FARP1: variants seen among roughly 807,000 people sequenced by gnomAD.
FARP1 encodes the protein FERM, ARH/RhoGEF and pleckstrin domain protein 1.
In FARP1, 52 loss-of-function variants were observed where a neutral mutation model predicts 128.8. That is an observed-to-expected ratio of 0.40 (90% CI 0.32 to 0.51). The LOEUF is 0.51. Among genes scored for constraint, FARP1 ranks in the 20% least tolerant of loss-of-function variants. The pLI is 0.45. For missense variants in FARP1, 1,333 were observed against 1,367.9 expected, an observed-to-expected ratio of 0.97 and a Z score of 0.40; for synonymous variants, 580 against 551.8, an observed-to-expected ratio of 1.05 and a Z score of -0.72.
chr13:98,384,495 GAA>G, intron 6 of FARP1: 1 of 550,372 alleles, frequency 1.8e-6, no homozygotes, highest in Non-Finnish European at 3.3e-6. Flanking sequence ...GCCTGACCTT[GAA>G]GCTTCTTTCT....
At chr13:98,447,504 C>T (rs1030646407) in intron 26 of FARP1, 1 of 152,374 alleles carries the variant, frequency 6.6e-6, no homozygotes, top group Admixed American at 6.5e-5. Context: ...AGGCCTGGGA[C>T]AAGGCCAGGT....
rs894225312 is a variant in FARP1, at chr13:98,257,182, TAACTC to T, written c.171+43772_171+43776del. 5.9e-5 allele frequency among the ~76,000 whole-genome samples: 9 copies of T among 152,052 alleles called. No homozygotes were observed. The South Asian group carries it at 8.3e-4, about 14-fold the overall frequency. ...AAAAAACACAGCATTTTAATCAACT[TAACTC>T]AAGCATTTTTGGAGATGGACTCATC... On this transcript the variant is annotated intron_variant, in intron 2 of 26. Transcript: ENST00000319562.
chr13:98,266,754 A>G (rs1303827949), intron 2 of FARP1, among the ~76,000 whole-genome samples: 3 of 152,134 alleles, frequency 2.0e-5, no homozygotes, highest in East Asian at 1.9e-4. Context: ...GCTCGCACCT[A>G]TAATCCCAGC....
At chr13:98,419,896 A>C (rs1891530770) in intron 16 of FARP1, among the ~76,000 whole-genome samples, 1 of 152,028 alleles carries the variant, frequency 6.6e-6, no homozygotes, top group African/African-American at 2.4e-5. Context: ...AGAGAAGGGG[A>C]GAGCTGGGTG....
intron 2 of FARP1, among the ~76,000 whole-genome samples, chr13:98,278,292 ATG>A (rs61379815): frequency 0.081 from 12,083 of 149,420 alleles, 939 homozygotes; most frequent in African/African-American, 0.21. Context: ...GTGTGTATGT[ATG>A]TGTGTGTGTG....
At position 98,453,095 on chromosome 13, in the gene FARP1, G is replaced by C; in HGVS notation, c.*4778G>C. 1 of 1,557,974 alleles carries C rather than the reference G, an allele frequency of 6.4e-7. No individual in the cohort carries two copies. The highest frequency in any genetic ancestry group is 8.8e-7 in the Non-Finnish European group (1 of 1,135,786). On this transcript the variant is annotated 3_prime_UTR_variant, in exon 27 of 27. Transcript: ENST00000319562. ...CACCTCTTCGGTGGAGTCAGCGAAGGCTCTCGTTGACTTTTAAAAAAGGAG... is the reference window on the plus strand; with the variant it reads ...CACCTCTTCGGTGGAGTCAGCGAAGCCTCTCGTTGACTTTTAAAAAAGGAG...
chr13:98,403,663 T>C (rs1328197274), intron 13 of FARP1: 1 of 152,164 alleles, frequency 6.6e-6, no homozygotes, highest in Non-Finnish European at 1.5e-5. Context: ...ACAGATGCTG[T>C]CTGGTTTCTT....
intron 2 of FARP1, among the ~76,000 whole-genome samples, chr13:98,246,730 A>G (rs1888056): frequency 0.4 from 60,590 of 151,922 alleles, 12,611 homozygotes; most frequent in South Asian, 0.54. Flanking sequence ...TACACCACAA[A>G]CAGAATGACA....
chr13:98,210,743 G>T (rs1277721091), intron 1 of FARP1, among the ~76,000 whole-genome samples: 1 of 151,972 alleles, frequency 6.6e-6, no homozygotes, highest in East Asian at 1.9e-4. Flanking sequence ...TAGAGACGGG[G>T]TTTCACCATG....
At chr13:98,286,459 G>C (rs1031455538) in intron 2 of FARP1, among the ~76,000 whole-genome samples, 1 of 152,188 alleles carries the variant, frequency 6.6e-6, no homozygotes, top group African/African-American at 2.4e-5. Flanking sequence ...CTGTTCTCAT[G>C]GTAGTGAGTA....
chr13:98,379,002 TAC>T (rs1491570143), intron 6 of FARP1, among the ~76,000 whole-genome samples: 29 of 87,436 alleles, frequency 3.3e-4, no homozygotes, highest in African/African-American at 1.7e-3. Flanking sequence ...ATATAATATA[TAC>T]AATATATAAT....
At chr13:98,428,225 G>A (rs987214790) in intron 17 of FARP1, among the ~76,000 whole-genome samples, 2 of 152,118 alleles carry the variant, frequency 1.3e-5, no homozygotes, top group African/African-American at 4.8e-5. Flanking sequence ...TCCAGCCCAC[G>A]CTGTGAATGT....
intron 3 of FARP1, among the ~76,000 whole-genome samples, chr13:98,351,504 T>C (rs888899115): frequency 6.6e-6 from 1 of 151,040 alleles, no homozygotes; most frequent in African/African-American, 2.4e-5. Context: ...GCCAGCTACT[T>C]GGGAGGCTGA....
At chr13:98,353,488 C>T (rs1888519658) in intron 3 of FARP1, among the ~76,000 whole-genome samples, 1 of 152,196 alleles carries the variant, frequency 6.6e-6, no homozygotes, top group Non-Finnish European at 1.5e-5. Context: ...AAGTGATCCT[C>T]CTGTCTCAGC....
At chr13:98,351,490 T>C (rs1888421439) in intron 3 of FARP1, among the ~76,000 whole-genome samples, 1 of 151,618 alleles carries the variant, frequency 6.6e-6, no homozygotes, top group Admixed American at 6.6e-5. Flanking sequence ...CAGGCGCCTG[T>C]AGTGCCAGCT....
intron 2 of FARP1, among the ~76,000 whole-genome samples, chr13:98,300,107 C>G (rs1443232321): frequency 5.3e-5 from 8 of 152,236 alleles, no homozygotes; most frequent in Non-Finnish European, 8.8e-5. Context: ...GCCAACCACA[C>G]ACAGAATTTG....
rs568403784 is a variant in FARP1, at chr13:98,379,503, CT to C, written c.496+1589del. 2.4e-4 allele frequency among the ~76,000 whole-genome samples: 37 copies of C among 151,814 alleles called. No individual in the cohort carries two copies. In the East Asian group the frequency reaches 6.8e-3, roughly 28 times the overall value. On this transcript the variant is annotated intron_variant, in intron 6 of 26. Coordinates refer to ENST00000319562, the MANE Select transcript of FARP1 (RefSeq NM_005766.4). ...CTTACTAACCCCCCAGCCTCCATTT[CT>C]TTTGGAACATGAGAATAATAGAATC...
chr13:98,205,682 C>T (rs7317748), intron 1 of FARP1, among the ~76,000 whole-genome samples: 2,341 of 152,264 alleles, frequency 0.015, 55 homozygotes, highest in African/African-American at 0.053. Flanking sequence ...TGTGAGCCAC[C>T]GTGCCCAGCC....
At chr13:98,376,040 A>T (rs1190846256) in intron 5 of FARP1, among the ~76,000 whole-genome samples, 1 of 152,092 alleles carries the variant, frequency 6.6e-6, no homozygotes, top group African/African-American at 2.4e-5. Context: ...TTATTTTCAC[A>T]TCCATTTTAA....
Sources: gnomAD v4.1 joint callset for allele counts (sites outside exome capture counted in the v4.1 genomes callset) on GRCh38, gnomAD v4.1.1 for gene constraint, MANE v1.5 for transcripts, NCBI Gene and HGNC (gene_info 2026-07-23, HGNC 2026-07-21) for gene names.